LRRTM4: variants seen among roughly 807,000 people sequenced by gnomAD.
LRRTM4 encodes the protein leucine-rich repeat transmembrane neuronal protein 4.
A neutral mutation model predicts 47.6 loss-of-function variants in LRRTM4; 25 were observed. The ratio of observed to expected loss-of-function variants is 0.53; its 90% CI spans 0.38 to 0.73. LRRTM4 has a LOEUF of 0.73. Among genes scored for constraint, LRRTM4 ranks in the 30% least tolerant of loss-of-function variants. The pLI, the probability that LRRTM4 is intolerant of heterozygous loss-of-function variation, is 0.00. For missense variants in LRRTM4, 638 were observed against 713.4 expected, an observed-to-expected ratio of 0.89 and a Z score of 1.20; for synonymous variants, 311 against 269.5, an observed-to-expected ratio of 1.15 and a Z score of -1.51.
intron 3 of LRRTM4, among the ~76,000 whole-genome samples, chr2:77,106,452 G>A (rs1003925253): frequency 2.2e-4 from 34 of 151,950 alleles, no homozygotes; most frequent in Non-Finnish European, 4.9e-4. Flanking sequence ...TCTGCTGTAA[G>A]CATTACCTCT....
At chr2:77,239,023 A>G (rs527702968) in intron 3 of LRRTM4, among the ~76,000 whole-genome samples, 1 of 151,870 alleles carries the variant, frequency 6.6e-6, no homozygotes, top group African/African-American at 2.4e-5. Context: ...AAAAAAATTT[A>G]AAAAATACTA....
chr2:77,438,497 C>A (rs146603006), intron 3 of LRRTM4, among the ~76,000 whole-genome samples: 2,587 of 150,422 alleles, frequency 0.017, 26 homozygotes, highest in Non-Finnish European at 0.022. Context: ...CGCTCCGCCT[C>A]CCGGGTTCAC....
intron 3 of LRRTM4, among the ~76,000 whole-genome samples, chr2:76,765,825 G>C (rs1673433633): frequency 6.6e-6 from 1 of 152,210 alleles, no homozygotes. Flanking sequence ...CCATGGCCTG[G>C]TAAGGCTTTG....
At chr2:77,185,640 G>C (rs1673481521) in intron 3 of LRRTM4, among the ~76,000 whole-genome samples, 1 of 152,084 alleles carries the variant, frequency 6.6e-6, no homozygotes, top group East Asian at 1.9e-4. Context: ...GTATAAACAA[G>C]AATCAAACTT....
At chr2:77,311,051 T>TAC (rs930973489) in intron 3 of LRRTM4, among the ~76,000 whole-genome samples, 4 of 149,676 alleles carry the variant, frequency 2.7e-5, no homozygotes, top group Non-Finnish European at 4.4e-5. Context: ...GATATTTATA[T>TAC]ACACACACAT....
rs1195386016 is a variant in LRRTM4, at chr2:76,748,766, C to A, written c.1702G>T (p.Asp568Tyr). The A allele has an allele frequency of 6.2e-7, 1 of 1,613,896 alleles. No individual in the cohort carries two copies. The highest frequency in any genetic ancestry group is 1.3e-5 in the African/African-American group (1 of 75,026). Residue 568 changes from aspartate (D) to tyrosine (Y), a missense_variant, in exon 4 of 4, where the codon GAC becomes TAC. Asp to Tyr is a radical substitution (Grantham distance 160). Coordinates refer to ENST00000409884, the MANE Select transcript of LRRTM4 (RefSeq NM_001134745.3). ...GCGATGGTGGCGATGAAGCTGTGGTCTCGGCCCAGCTCCAGGCCGGGGCTT... is the reference window on the plus strand; with the variant it reads ...GCGATGGTGGCGATGAAGCTGTGGTATCGGCCCAGCTCCAGGCCGGGGCTT... ...DESPGLELGRDHSFIATIARS... is the reference protein window; with the variant it reads ...DESPGLELGRYHSFIATIARS...
At chr2:76,800,792 A>G (rs1252545816) in intron 3 of LRRTM4, among the ~76,000 whole-genome samples, 29 of 146,240 alleles carry the variant, frequency 2.0e-4, no homozygotes, top group African/African-American at 6.7e-4. Context: ...AAGTGGGCGA[A>G]GGACATGAAC....
chr2:77,288,296 A>C (rs913145633), intron 3 of LRRTM4, among the ~76,000 whole-genome samples: 2 of 151,814 alleles, frequency 1.3e-5, no homozygotes, highest in Admixed American at 1.3e-4. Flanking sequence ...ATGGAATTGA[A>C]ATACACTTTG....
At chr2:77,298,648 G>A (rs1677040609) in intron 3 of LRRTM4, among the ~76,000 whole-genome samples, 1 of 152,140 alleles carries the variant, frequency 6.6e-6, no homozygotes, top group African/African-American at 2.4e-5. Context: ...TGCCAGAGAT[G>A]AAAAGTATTG....
chr2:76,857,460 G>C (rs996858786), intron 3 of LRRTM4, among the ~76,000 whole-genome samples: 6 of 151,734 alleles, frequency 4.0e-5, no homozygotes, highest in East Asian at 3.9e-4. Flanking sequence ...TCAAGAATAG[G>C]CTCTTAGTAG....
rs111949224 is a variant in LRRTM4, at chr2:77,161,895, G to A, written c.1551+356423C>T. 7.2e-3 allele frequency among the ~76,000 whole-genome samples: 1,096 copies of A among 152,244 alleles called. 8 individuals are homozygous for A. Among genetic ancestry groups the A allele is most frequent in the African/African-American group, 0.025 (1,029 of 41,540 alleles). ...AGTGCAATTAGTTGACCAATTAAGA[G>A]TTCTTCATGGAGGCTCCAAGATGGC... On this transcript the variant is annotated intron_variant, in intron 3 of 3. Transcript: ENST00000409884.
At chr2:76,873,520 A>ATCTG (rs1672695599) in intron 3 of LRRTM4, among the ~76,000 whole-genome samples, 4 of 143,560 alleles carry the variant, frequency 2.8e-5, no homozygotes, top group African/African-American at 1.0e-4. Context: ...ATATATATAT[A>ATCTG]TATATATATA....
chr2:77,167,117 AC>A (rs1156992707), intron 3 of LRRTM4, among the ~76,000 whole-genome samples: 1 of 152,178 alleles, frequency 6.6e-6, no homozygotes, highest in African/African-American at 2.4e-5. Context: ...CAAGAAAAAA[AC>A]AACCCCATCA....
chr2:76,900,299 T>C (rs985922045), intron 3 of LRRTM4, among the ~76,000 whole-genome samples: 7 of 151,118 alleles, frequency 4.6e-5, no homozygotes, highest in Non-Finnish European at 8.8e-5. Flanking sequence ...ACGTATAGAG[T>C]GTGGGATACT....
At chr2:77,291,934 G>C (rs1042817996) in intron 3 of LRRTM4, among the ~76,000 whole-genome samples, 1 of 151,740 alleles carries the variant, frequency 6.6e-6, no homozygotes, top group East Asian at 1.9e-4. Flanking sequence ...GAAAATTTTC[G>C]CAATCTACTC....
chr2:76,789,789 G>C (rs924804875), intron 3 of LRRTM4, among the ~76,000 whole-genome samples: 1 of 152,136 alleles, frequency 6.6e-6, no homozygotes. Flanking sequence ...AGAGAACAAA[G>C]GCATGGTGTC....
intron 3 of LRRTM4, among the ~76,000 whole-genome samples, chr2:77,019,275 A>AAAAT (rs1390544509): frequency 1.3e-5 from 2 of 150,878 alleles, no homozygotes; most frequent in African/African-American, 4.9e-5. Context: ...AAAAAAAAAA[A>AAAAT]ATATAAGAAG....
At chr2:76,751,341 A>G (rs1672842440) in intron 3 of LRRTM4, among the ~76,000 whole-genome samples, 1 of 151,394 alleles carries the variant, frequency 6.6e-6, no homozygotes, top group Admixed American at 6.7e-5. Context: ...ATTTTCAGGA[A>G]GTCTTTTACA....
chr2:76,872,352 A>G (rs1181482204), intron 3 of LRRTM4, among the ~76,000 whole-genome samples: 1 of 151,992 alleles, frequency 6.6e-6, no homozygotes, highest in Non-Finnish European at 1.5e-5. Flanking sequence ...GAAAATTACA[A>G]TTGCATTGCA....
Sources: gnomAD v4.1 joint callset for allele counts (sites outside exome capture counted in the v4.1 genomes callset) on GRCh38, gnomAD v4.1.1 for gene constraint, MANE v1.5 for transcripts, NCBI Gene and HGNC (gene_info 2026-07-23, HGNC 2026-07-21) for gene names.